The following ME3 variants were observed in gnomAD, a reference collection of about 807,000 sequenced individuals.
ME3 encodes malic enzyme 3.
ME3 carries 48 observed loss-of-function variants against 68.9 expected under a neutral mutation model. The ratio of observed to expected loss-of-function variants is 0.70; its 90% confidence interval spans 0.55 to 0.89. The LOEUF is 0.89. ME3 is among the 40% of genes least tolerant of loss of function. The pLI is 0.00. For missense variants in ME3, 675 were observed against 797.4 expected (o/e 0.85, Z 1.85); for synonymous variants, 320 against 318.8 (o/e 1.00, Z -0.04).
intron 2 of ME3, among the ~76,000 whole-genome samples, chr11:86,630,140 C>A (rs1342953978): frequency 6.6e-6 from 1 of 152,102 alleles, no homozygotes; most frequent in Non-Finnish European, 1.5e-5. Flanking sequence ...ATTTTACATA[C>A]AGTGTATCCC....
chr11:86,598,968 G>A (rs1210215078), intron 2 of ME3, among the ~76,000 whole-genome samples: 1 of 152,100 alleles, frequency 6.6e-6, no homozygotes, highest in Admixed American at 6.5e-5. Context: ...CATCATCAAA[G>A]ACAAAAAGTA....
At chr11:86,457,779 A>G (rs1565804687) in intron 8 of ME3, 1 of 1,262,882 alleles carries the variant, frequency 7.9e-7, no homozygotes, top group Non-Finnish European at 1.0e-6. Context: ...GTAAAAGAAA[A>G]AGAAGTTTTT....
At chr11:86,496,427 AAAG>A (rs888169798) in intron 6 of ME3, among the ~76,000 whole-genome samples, 1 of 152,022 alleles carries the variant, frequency 6.6e-6, no homozygotes, top group Non-Finnish European at 1.5e-5. Context: ...AAAGAAAAGA[AAAG>A]AAAAGAAATG....
intron 4 of ME3, among the ~76,000 whole-genome samples, chr11:86,532,960 G>A (rs1033259111): frequency 3.9e-5 from 6 of 152,078 alleles, no homozygotes; most frequent in African/African-American, 1.2e-4. Context: ...GCTGAGGTGG[G>A]AGAATCGTTT....
chr11:86,495,922 C>T (rs1197703799), intron 6 of ME3, among the ~76,000 whole-genome samples: 1 of 152,184 alleles, frequency 6.6e-6, no homozygotes, highest in Non-Finnish European at 1.5e-5. Flanking sequence ...TGTCATGGTA[C>T]TGGGAACCAA....
At chr11:86,604,458 C>T (rs1961305049) in intron 2 of ME3, among the ~76,000 whole-genome samples, 1 of 152,006 alleles carries the variant, frequency 6.6e-6, no homozygotes, top group African/African-American at 2.4e-5. Flanking sequence ...AAAAAAAGAA[C>T]AAAAAGATTC....
At chr11:86,654,276 A>G (rs907029258) in intron 2 of ME3, among the ~76,000 whole-genome samples, 1 of 152,172 alleles carries the variant, frequency 6.6e-6, no homozygotes, top group Non-Finnish European at 1.5e-5. Flanking sequence ...TACCAAAGCC[A>G]GGCAGAGACA....
chr11:86,626,902 G>A (rs921273946), intron 2 of ME3, among the ~76,000 whole-genome samples: 3 of 152,142 alleles, frequency 2.0e-5, no homozygotes, highest in African/African-American at 7.2e-5. Context: ...CAAATAAATG[G>A]TGTGGTTTTT....
At chr11:86,520,203 T>C (rs1228980606) in intron 4 of ME3, among the ~76,000 whole-genome samples, 1 of 152,110 alleles carries the variant, frequency 6.6e-6, no homozygotes, top group African/African-American at 2.4e-5. Context: ...CTCCTGACTT[T>C]AGAGCCCAGG....
intron 4 of ME3, among the ~76,000 whole-genome samples, chr11:86,552,314 A>G (rs1056567403): frequency 1.3e-5 from 2 of 152,140 alleles, no homozygotes; most frequent in Non-Finnish European, 2.9e-5. Context: ...TACTACCTAC[A>G]ACCCAGCCCT....
intron 2 of ME3, among the ~76,000 whole-genome samples, chr11:86,647,840 C>T (rs1476671552): frequency 6.6e-6 from 1 of 152,146 alleles, no homozygotes; most frequent in Non-Finnish European, 1.5e-5. Flanking sequence ...CAATATTAGA[C>T]AGATCAACGA....
At chr11:86,460,225 C>G (rs777373836) in intron 8 of ME3, among the ~76,000 whole-genome samples, 1 of 152,244 alleles carries the variant, frequency 6.6e-6, no homozygotes, top group African/African-American at 2.4e-5. Flanking sequence ...CACCAAGGAC[C>G]AGCCTGGGCC....
chr11:86,659,003 T>C (rs907929090), intron 2 of ME3, among the ~76,000 whole-genome samples: 1 of 152,126 alleles, frequency 6.6e-6, no homozygotes, highest in Non-Finnish European at 1.5e-5. Context: ...CTGCCTAGAA[T>C]AGACCAAAAA....
At chr11:86,572,565 G>C (rs1231159109) in intron 2 of ME3, among the ~76,000 whole-genome samples, 1 of 152,156 alleles carries the variant, frequency 6.6e-6, no homozygotes, top group Non-Finnish European at 1.5e-5. Flanking sequence ...AGTTTGCTGA[G>C]GATGATGGCT....
intron 6 of ME3, among the ~76,000 whole-genome samples, chr11:86,491,582 T>C (rs1423236086): frequency 2.0e-5 from 3 of 152,158 alleles, no homozygotes; most frequent in Non-Finnish European, 4.4e-5. Flanking sequence ...TGGCACAACA[T>C]GGAACAAGAA....
chr11:86,486,690 G>GAGTA (rs1350368066), intron 7 of ME3, among the ~76,000 whole-genome samples: 20 of 152,366 alleles, frequency 1.3e-4, no homozygotes, highest in African/African-American at 4.6e-4. Context: ...TCTTCTCTCA[G>GAGTA]AGTAAACATG....
intron 2 of ME3, among the ~76,000 whole-genome samples, chr11:86,572,064 T>C (rs1957827980): frequency 6.6e-6 from 1 of 152,042 alleles, no homozygotes. Flanking sequence ...AAAAATAAAA[T>C]CCAAGGAGCA....
intron 2 of ME3, among the ~76,000 whole-genome samples, chr11:86,615,443 TAA>T (rs1942891539): frequency 6.6e-6 from 1 of 152,186 alleles, no homozygotes; most frequent in Non-Finnish European, 1.5e-5. Flanking sequence ...AACAGAGAAT[TAA>T]GTTACCTGTC....
intron 4 of ME3, among the ~76,000 whole-genome samples, chr11:86,531,260 A>G (rs1955206281): frequency 6.6e-6 from 1 of 152,280 alleles, no homozygotes. Context: ...GCTCATCATC[A>G]CTGGCCATCA....
Sources: allele counts gnomAD v4.1 joint callset (sites outside exome capture counted in the v4.1 genomes callset), GRCh38; gene constraint gnomAD v4.1.1; transcripts MANE v1.5; gene names NCBI Gene and HGNC (gene_info 2026-07-23, HGNC 2026-07-21).